The following SCAMP1 variants were observed in gnomAD, a reference collection of about 807,000 sequenced individuals.
SCAMP1 encodes secretory carrier-associated membrane protein 1.
A neutral mutation model predicts 41.8 loss-of-function variants in SCAMP1; 15 were observed. The observed-to-expected ratio is 0.36, with a 90% CI of 0.24 to 0.55. SCAMP1 has a LOEUF of 0.55. Among genes scored for constraint, SCAMP1 ranks in the 20% least tolerant of loss-of-function variants. SCAMP1 has a pLI of 0.86. For missense variants in SCAMP1, 341 were observed against 412.6 expected, an observed-to-expected ratio of 0.83 and a Z score of 1.50; for synonymous variants, 135 against 136.8, an observed-to-expected ratio of 0.99 and a Z score of 0.09.
At chr5:78,468,594 T>C (rs1753799666) in intron 8 of SCAMP1, among the ~76,000 whole-genome samples, 1 of 152,210 alleles carries the variant, frequency 6.6e-6, no homozygotes, top group Non-Finnish European at 1.5e-5. Flanking sequence ...CCATGAAATT[T>C]GTTCATAGAC....
At chr5:78,450,179 G>T in intron 7 of SCAMP1, 145 bp downstream of exon 7, 1 of 566,244 alleles carries the variant, frequency 1.8e-6, no homozygotes, top group Non-Finnish European at 3.0e-6. Flanking sequence ...ATTTTAAAAT[G>T]TCATAAGGCA....
chr5:78,388,760 G>A (rs1751411098), intron 1 of SCAMP1, 77 bp from the exon 2 acceptor site: 1 of 742,556 alleles, frequency 1.3e-6, no homozygotes, highest in South Asian at 1.8e-5. Flanking sequence ...TATAGATAAA[G>A]CAAATGGTAT....
In SCAMP1 at chr5:78,480,055, A is replaced by G. The variant is rs550901896; in HGVS notation, c.*4387A>G. Among the ~76,000 whole-genome samples the G allele has an allele frequency of 6.1e-4, 93 of 151,886 alleles. 2 individuals are homozygous for G. Among genetic ancestry groups the G allele is most frequent in the African/African-American group, 2.2e-3 (90 of 41,342 alleles). ...AGCGAGACTCCATCTCAAGAAAAAA[A>G]AAAAAGAATTTTCATTAGTGCTGGC... On this transcript the variant is annotated 3_prime_UTR_variant, in exon 9 of 9. Coordinates refer to ENST00000621999, the MANE Select transcript of SCAMP1 (RefSeq NM_004866.6).
At chr5:78,390,806 G>A (rs947675750) in intron 2 of SCAMP1, among the ~76,000 whole-genome samples, 6 of 150,856 alleles carry the variant, frequency 4.0e-5, no homozygotes, top group Middle Eastern at 3.4e-3. Flanking sequence ...GCGGCCTTCC[G>A]CAGTGTTTGT....
At chr5:78,399,840 G>A (rs1751755174) in intron 2 of SCAMP1, among the ~76,000 whole-genome samples, 1 of 152,102 alleles carries the variant, frequency 6.6e-6, no homozygotes, top group African/African-American at 2.4e-5. Flanking sequence ...TGCCATTGTT[G>A]TTCTATCTAA....
At chr5:78,419,091 A>G (rs1752278531) in intron 5 of SCAMP1, among the ~76,000 whole-genome samples, 188 bp downstream of exon 5, 1 of 152,192 alleles carries the variant, frequency 6.6e-6, no homozygotes, top group South Asian at 2.1e-4. Context: ...GTGACAATGT[A>G]AGTCCTTGGC....
intron 5 of SCAMP1, 42 bp from the exon 6 acceptor site, chr5:78,421,759 A>G (rs1282720692): frequency 6.5e-7 from 1 of 1,539,368 alleles, no homozygotes; most frequent in South Asian, 1.2e-5. Flanking sequence ...CATAAATTGA[A>G]TGTAAATCTT....
chr5:78,438,960 A>G (rs148470646), intron 6 of SCAMP1, among the ~76,000 whole-genome samples: 2,459 of 152,274 alleles, frequency 0.016, 62 homozygotes, highest in African/African-American at 0.057. Flanking sequence ...TCTGTTTACC[A>G]TTATGTAACA....
chr5:78,382,139 T>A (rs903310644), intron 1 of SCAMP1, among the ~76,000 whole-genome samples: 5 of 152,262 alleles, frequency 3.3e-5, no homozygotes, highest in African/African-American at 1.2e-4. Context: ...CCAGACCTAC[T>A]GAATGAGAAA....
At chr5:78,429,275 T>G (rs1420157428) in intron 6 of SCAMP1, among the ~76,000 whole-genome samples, 10 of 136,962 alleles carry the variant, frequency 7.3e-5, no homozygotes, top group Non-Finnish European at 1.6e-5. Context: ...TGACTGTAGA[T>G]TTTTTTTTTT....
At chr5:78,453,648 A>C (rs886092816) in intron 7 of SCAMP1, among the ~76,000 whole-genome samples, 1 of 152,164 alleles carries the variant, frequency 6.6e-6, no homozygotes, top group African/African-American at 2.4e-5. Context: ...CTTTTGGCTT[A>C]GGATAGCCTT....
chr5:78,431,896 G>C (rs1233413861), intron 6 of SCAMP1, among the ~76,000 whole-genome samples: 1 of 152,144 alleles, frequency 6.6e-6, no homozygotes, highest in Admixed American at 6.5e-5. Context: ...ATACAGGCAT[G>C]CATTGTGTAA....
rs1487495025 is a variant in SCAMP1 at position 78,479,707 on chromosome 5, T to C, written c.*4039T>C. On this transcript the variant is annotated 3_prime_UTR_variant, in exon 9 of 9. Coordinates refer to ENST00000621999, the MANE Select transcript of SCAMP1 (RefSeq NM_004866.6). Reference sequence around the variant, plus strand: ...CTCACCCCCGCTGTGGGTTTTATATTTACAATTTAACTTTGGGGTTTGGGT... The same window carrying C: ...CTCACCCCCGCTGTGGGTTTTATATCTACAATTTAACTTTGGGGTTTGGGT... Among the ~76,000 whole-genome samples, 5 of 152,174 alleles carry C rather than the reference T, an allele frequency of 3.3e-5. No homozygotes were observed. The highest frequency in any genetic ancestry group is 3.3e-4 in the Admixed American group (5 of 15,278).
Position 78,462,462 on chromosome 5 carries a change from C to T in SCAMP1, c.852+3100C>T, listed in dbSNP as rs367612941. Among the ~76,000 whole-genome samples, 11 of 152,092 alleles carry T rather than the reference C, an allele frequency of 7.2e-5. 1 individual carries two copies. Among genetic ancestry groups the T allele is most frequent in the African/African-American group, 2.7e-4 (11 of 41,478 alleles). On this transcript the variant is annotated intron_variant, in intron 8 of 8. Transcript: ENST00000621999. Reference sequence around the variant, plus strand: ...CTCATGTTTTAGCCTCCTGAGTAGTCGGGATTACAGATGTGGCACCTGGCT... The same window carrying T: ...CTCATGTTTTAGCCTCCTGAGTAGTTGGGATTACAGATGTGGCACCTGGCT...
At chr5:78,472,479 T>C (rs1560197) in intron 8 of SCAMP1, among the ~76,000 whole-genome samples, 124,477 of 151,772 alleles carry the variant, frequency 0.82, 51,765 homozygotes, top group African/African-American at 0.92. Context: ...TATGAATTAT[T>C]AATAGATACC....
At chr5:78,410,452 G>A (rs1035660117) in intron 2 of SCAMP1, among the ~76,000 whole-genome samples, 1 of 152,026 alleles carries the variant, frequency 6.6e-6, no homozygotes, top group Non-Finnish European at 1.5e-5. Flanking sequence ...CAGCTTCATC[G>A]ATATCCCTGC....
At chr5:78,431,118 G>T (rs1257531961) in intron 6 of SCAMP1, among the ~76,000 whole-genome samples, 1 of 151,926 alleles carries the variant, frequency 6.6e-6, no homozygotes, top group Non-Finnish European at 1.5e-5. Flanking sequence ...ATAACAGATT[G>T]AGTGCAGATA....
intron 8 of SCAMP1, among the ~76,000 whole-genome samples, chr5:78,465,263 T>G (rs1753717860): frequency 6.6e-6 from 1 of 152,222 alleles, no homozygotes; most frequent in Non-Finnish European, 1.5e-5. Flanking sequence ...ACAAGTCTTT[T>G]AGCATTGGAA....
intron 4 of SCAMP1, among the ~76,000 whole-genome samples, chr5:78,417,974 G>A (rs989983833): frequency 6.6e-6 from 1 of 151,988 alleles, no homozygotes. Flanking sequence ...ATCGGGAAAT[G>A]GCCTTAGGTG....
Sources: gnomAD v4.1 joint callset for allele counts (sites outside exome capture counted in the v4.1 genomes callset) on GRCh38, gnomAD v4.1.1 for gene constraint, MANE v1.5 for transcripts, NCBI Gene and HGNC (gene_info 2026-07-23, HGNC 2026-07-21) for gene names.